The following ATL3 variants were observed in gnomAD, a reference collection of about 807,000 sequenced individuals.
ATL3 encodes atlastin-3.
In ATL3, 49 loss-of-function variants were observed where a neutral mutation model predicts 69.5. The ratio of observed to expected loss-of-function variants is 0.71; its 90% CI spans 0.56 to 0.89. The LOEUF is 0.89. Among genes scored for constraint, ATL3 ranks in the 40% least tolerant of loss-of-function variants. The pLI is 0.00. For synonymous variants in ATL3, 214 were observed against 224.1 expected, an observed-to-expected ratio of 0.95 and a Z score of 0.40; for missense variants, 606 against 645.7, an observed-to-expected ratio of 0.94 and a Z score of 0.67.
rs766787638 is a variant in ATL3, at chr11:63,632,751, T to C, written c.1107+275A>G. On this transcript the variant is annotated intron_variant, in intron 11 of 12. Coordinates refer to ENST00000398868, the MANE Select transcript of ATL3 (RefSeq NM_015459.5). ...AGCATTTATTCTTTTGACTTGATTA[T>C]TGTCTCCTGCTCATGTGAATTTATT... The C allele has an allele frequency of 2.1e-4, 217 of 1,037,074 alleles. 1 individual carries two copies. The highest frequency in any genetic ancestry group is 5.0e-4 in the Admixed American group (27 of 53,994). 64.2% of individuals were successfully genotyped at this position (1,037,074 alleles called of 1,614,324 possible). A position where few individuals can be genotyped will look rare whatever the true frequency, so the allele number is the denominator to read the frequency against.
At chr11:63,647,079 T>C (rs760798909) in intron 5 of ATL3, among the ~76,000 whole-genome samples, 2 of 152,184 alleles carry the variant, frequency 1.3e-5, no homozygotes, top group Non-Finnish European at 2.9e-5. Flanking sequence ...TTCCTCATGA[T>C]CTGCTCCCTC....
chr11:63,637,767 A>G (rs1331643836), intron 8 of ATL3: 1 of 152,240 alleles, frequency 6.6e-6, no homozygotes, highest in African/African-American at 2.4e-5. Context: ...GAACTCTTTA[A>G]TACTCCACCA....
rs917256853 is a variant in ATL3, at chr11:63,664,628, G to GT, written c.47-5377dup. Among the ~76,000 whole-genome samples the GT allele has an allele frequency of 6.9e-3, 979 of 140,908 alleles. 4 individuals carry two copies. The highest frequency in any genetic ancestry group is 0.017 in the East Asian group (80 of 4,680). 92.4% of individuals were successfully genotyped at this position (140,908 alleles called of 152,430 possible). A position where few individuals can be genotyped will look rare whatever the true frequency, so the allele number is the denominator to read the frequency against. ...ACATACAATAAGCTATTGTTTTTTT[G>GT]TTTTTTTTTTTTGAGACGGAGTCTC... On this transcript the variant is annotated intron_variant, in intron 1 of 12. Coordinates refer to ENST00000398868, the MANE Select transcript of ATL3 (RefSeq NM_015459.5).
intron 8 of ATL3, among the ~76,000 whole-genome samples, chr11:63,639,097 T>A (rs1939610970): frequency 6.6e-6 from 1 of 152,022 alleles, no homozygotes. Context: ...ATGCCTACCC[T>A]TTTTTTTAAA....
chr11:63,641,059 T>C (rs1939684317), intron 8 of ATL3, among the ~76,000 whole-genome samples: 2 of 152,212 alleles, frequency 1.3e-5, no homozygotes, highest in Admixed American at 6.5e-5. Context: ...TGTGCTTTCC[T>C]GATTATTGTG....
rs1200902660 is a variant in ATL3, at chr11:63,639,965, G to C, written c.850+3392C>G. 3.3e-5 allele frequency among the ~76,000 whole-genome samples: 5 copies of C among 150,562 alleles called. No homozygotes were observed. In the East Asian group the frequency reaches 9.7e-4, roughly 29 times the overall value. The stretch of plus-strand genomic sequence containing the variant: ...TTTTTTGGGACAGAGTTTCGCTCTT[G>C]TTGCCCAGGCTGGAGTACAATGGCG... On this transcript the variant is annotated intron_variant, in intron 8 of 12. Coordinates refer to ENST00000398868, the MANE Select transcript of ATL3 (RefSeq NM_015459.5).
Position 63,636,312 on chromosome 11 carries a change from C to T in ATL3, c.873G>A (p.Glu291=), listed in dbSNP as rs1191212188. The T allele has an allele frequency of 6.2e-7, 1 of 1,613,986 alleles. No individual in the cohort carries two copies. The highest frequency in any genetic ancestry group is 8.5e-7 in the Non-Finnish European group (1 of 1,180,042). The change falls in exon 9 of 13, where the codon GAG becomes GAA. Residue 291 remains glutamate (E), a synonymous_variant. Coordinates refer to ENST00000398868, the MANE Select transcript of ATL3 (RefSeq NM_015459.5). The part of the protein sequence containing the change: ...KLKDIAGEFK[E]QLQALIPYVL... ...CATACGGTATCAGTGCCTGTAACTG[C>T]TCTTTGAATTCACCAGCAATATCTG...
In ATL3 at chr11:63,626,593, T is replaced by G. The variant is rs1417057628; in HGVS notation, c.*2726A>C. On this transcript the variant is annotated 3_prime_UTR_variant, in exon 13 of 13. Coordinates refer to ENST00000398868, the MANE Select transcript of ATL3 (RefSeq NM_015459.5). ...TCCTGAAATATTTTAATAGAAAATT[T>G]TGGAAGCCTCCTTTTATATATTCAT... 6.6e-6 allele frequency: 1 copy of G among 152,206 alleles called. No homozygotes were observed. Among genetic ancestry groups the G allele is most frequent in the African/African-American group, 2.4e-5 (1 of 41,442 alleles). 9.4% of individuals were successfully genotyped at this position (152,206 alleles called of 1,614,324 possible). A position where few individuals can be genotyped will look rare whatever the true frequency, so the allele number is the denominator to read the frequency against.
In ATL3 at chr11:63,627,511, CTT is replaced by C. The variant is rs1054223313; in HGVS notation, c.*1806_*1807del. 1.3e-5 allele frequency: 2 copies of C among 152,150 alleles called. No homozygotes were observed. The highest frequency in any genetic ancestry group is 4.8e-5 in the African/African-American group (2 of 41,436). The allele number at this position is 152,150 out of a possible 1,614,324, so 9.4% of individuals were successfully genotyped here. On this transcript the variant is annotated 3_prime_UTR_variant, in exon 13 of 13. Transcript: ENST00000398868. ...TAAAGAGATTACATGCGAAAAGGGA[CTT>C]TTTTTCTACCTTCCATTCATACTTC...
intron 2 of ATL3, 54 bp downstream of exon 2, chr11:63,658,984 T>G: frequency 6.2e-7 from 1 of 1,604,766 alleles, no homozygotes; most frequent in Non-Finnish European, 8.5e-7. Flanking sequence ...TTATTTCGCT[T>G]TTTTGGACAT....
intron 8 of ATL3, chr11:63,637,588 C>A (rs1199869693): frequency 6.6e-6 from 1 of 152,164 alleles, no homozygotes; most frequent in Non-Finnish European, 1.5e-5. Flanking sequence ...GGGATCAGTA[C>A]AGCCATTAAA....
chr11:63,649,052 C>T (rs555328055), intron 5 of ATL3, among the ~76,000 whole-genome samples: 1 of 151,470 alleles, frequency 6.6e-6, no homozygotes, highest in East Asian at 1.9e-4. Context: ...ACTTGGGAGG[C>T]GGAGATTGCA....
At chr11:63,639,361 G>T (rs774781449) in intron 8 of ATL3, among the ~76,000 whole-genome samples, 2 of 152,186 alleles carry the variant, frequency 1.3e-5, no homozygotes, top group African/African-American at 4.8e-5. Flanking sequence ...CATAATAATT[G>T]TAGTTCCTTA....
chr11:63,630,977 T>C, intron 12 of ATL3, 63 bp downstream of exon 12: 2 of 1,491,988 alleles, frequency 1.3e-6, no homozygotes, highest in Non-Finnish European at 1.8e-6. Flanking sequence ...TGAGATATTT[T>C]ACAACAGAAG....
Position 63,659,137 on chromosome 11 carries a change from G to A in ATL3, c.162C>T (p.His54=). The A allele has an allele frequency of 1.2e-6, 2 of 1,614,152 alleles. No individual in the cohort carries two copies. Among genetic ancestry groups the A allele is most frequent in the Non-Finnish European group, 8.5e-7 (1 of 1,180,038 alleles). ...KALASILLQD[H]IRDLDVVVVS... ...CCACCACCACATCAAGATCTCGGAT[G>A]TGGTCCTGCAAGAGGATGCTGGCCA... The change falls in exon 2 of 13, where the codon CAC becomes CAT. Residue 54 remains histidine, a synonymous_variant. Transcript: ENST00000398868.
At position 63,651,983 on chromosome 11, in the gene ATL3, A is replaced by G. The variant is rs765020653; in HGVS notation, c.514T>C (p.Tyr172His). Residue 172 changes from tyrosine (Y) to histidine (H), a missense_variant, in exon 5 of 13, where the codon TAT becomes CAT. Tyr to His is a moderately conservative substitution (Grantham distance 83). Coordinates refer to ENST00000398868, the MANE Select transcript of ATL3 (RefSeq NM_015459.5). ...LSTMTSSVQI[Y>H]NLSQNIQEDD... ...TCTTGAATGTTCTGAGATAAATTAT[A>G]AATCTAGAAAACAAAAATCCAGATT... is the stretch of plus-strand genomic sequence containing the variant. 4.4e-6 allele frequency: 7 copies of G among 1,602,356 alleles called. No homozygotes were observed. Among genetic ancestry groups the G allele is most frequent in the South Asian group, 1.1e-5 (1 of 87,972 alleles).
chr11:63,641,560 T>C (rs920142758), intron 8 of ATL3, among the ~76,000 whole-genome samples: 1 of 152,110 alleles, frequency 6.6e-6, no homozygotes, highest in Admixed American at 6.6e-5. Context: ...AAGGTACAAG[T>C]CAAAGAATGC....
At chr11:63,642,395 A>C (rs1004357184) in intron 8 of ATL3, among the ~76,000 whole-genome samples, 12 of 152,386 alleles carry the variant, frequency 7.9e-5, no homozygotes, top group African/African-American at 2.9e-4. Context: ...TGGATCAACT[A>C]AATCAAATAG....
chr11:63,637,238 T>G (rs1222112888), intron 8 of ATL3, among the ~76,000 whole-genome samples: 1 of 149,992 alleles, frequency 6.7e-6, no homozygotes, highest in Non-Finnish European at 1.5e-5. Context: ...ATCGCACCAC[T>G]GCACTCCAGC....
Sources: gnomAD v4.1 joint callset for allele counts (sites outside exome capture counted in the v4.1 genomes callset) on GRCh38, gnomAD v4.1.1 for gene constraint, MANE v1.5 for transcripts, NCBI Gene and HGNC (gene_info 2026-07-23, HGNC 2026-07-21) for gene names.